The following EIPR1 variants were observed in gnomAD, a reference collection of about 807,000 sequenced individuals.
The protein encoded by EIPR1 is EARP and GARP complex-interacting protein 1.
Under a neutral mutation model 48.1 loss-of-function variants are expected in EIPR1, and 25 were observed. The ratio of observed to expected loss-of-function variants is 0.52; its 90% CI spans 0.38 to 0.73. The LOEUF (loss-of-function observed/expected upper bound fraction) is 0.73. Among genes scored for constraint, EIPR1 ranks in the 30% least tolerant of loss-of-function variants. The probability of loss-of-function intolerance (pLI) is 0.00; values close to 1 mark genes in which losing one functional copy is unlikely to be tolerated. For missense variants in EIPR1, 415 were observed against 506.2 expected (o/e 0.82, Z 1.73); for synonymous variants, 204 against 201.9 (o/e 1.01, Z -0.09).
intron 3 of EIPR1, among the ~76,000 whole-genome samples, chr2:3,333,402 C>A (rs1328758377): frequency 2.0e-5 from 3 of 152,122 alleles, no homozygotes; most frequent in African/African-American, 7.2e-5. Flanking sequence ...TCCTCAGAGG[C>A]CCCTTCTCCA....
Position 3,307,460 on chromosome 2 carries a change from C to T in EIPR1, c.259+30557G>A, listed in dbSNP as rs905160725. On this transcript the variant is annotated intron_variant, in intron 3 of 8. Coordinates refer to ENST00000382125, the MANE Select transcript of EIPR1 (RefSeq NM_003310.5). ...GCAGGAGCCCTACCATGCTGGGGCCCCAGAAAGCAGGCCTATGGAGACTGT... is the reference window on the plus strand; with the variant it reads ...GCAGGAGCCCTACCATGCTGGGGCCTCAGAAAGCAGGCCTATGGAGACTGT... Among the ~76,000 whole-genome samples the T allele has an allele frequency of 3.9e-5, 6 of 152,306 alleles. No homozygotes were observed. In the South Asian group the frequency reaches 1.2e-3, roughly 32 times the overall value.
chr2:3,375,124 G>C (rs1196704685), intron 1 of EIPR1, among the ~76,000 whole-genome samples: 1 of 151,186 alleles, frequency 6.6e-6, no homozygotes, highest in Admixed American at 6.6e-5. Flanking sequence ...GTAAACTGTC[G>C]CAAGGACAAA....
chr2:3,257,481 T>C, intron 3 of EIPR1, 26 bp from the exon 4 acceptor site: 2 of 1,612,592 alleles, frequency 1.2e-6, no homozygotes, highest in Non-Finnish European at 8.5e-7. Context: ...TAATGGATAA[T>C]GTCAACAGAG....
intron 4 of EIPR1, among the ~76,000 whole-genome samples, chr2:3,253,194 T>C (rs750454276): frequency 1.1e-4 from 17 of 152,196 alleles, no homozygotes; most frequent in East Asian, 1.9e-4. Context: ...TTTAGACAAA[T>C]TCAACCAATT....
chr2:3,304,813 CTCCCGTCCAGTTCAGCCCTCCAG>C (rs1377754116), intron 3 of EIPR1, among the ~76,000 whole-genome samples: 27 of 105,740 alleles, frequency 2.6e-4, no homozygotes, highest in African/African-American at 9.6e-4. Flanking sequence ...CAGCCCTCCA[CTCCCGTCCAGTTCAGCCCTCCAG>C]TCCCGTCCAG....
At chr2:3,231,521 CTAATT>C (rs1666244089) in intron 4 of EIPR1, among the ~76,000 whole-genome samples, 1 of 152,150 alleles carries the variant, frequency 6.6e-6, no homozygotes, top group Non-Finnish European at 1.5e-5. Flanking sequence ...ACTTCTATAT[CTAATT>C]TATTTAGAGT....
At position 3,197,148 on chromosome 2, in the gene EIPR1, C is replaced by T. The variant is rs893441104; in HGVS notation, c.517-131G>A. 8.1e-6 allele frequency: 9 copies of T among 1,109,952 alleles called. No individual in the cohort carries two copies. In the African/African-American group the frequency reaches 1.4e-4, roughly 18 times the overall value. The allele number at this position is 1,109,952 out of a possible 1,614,324, so 68.8% of individuals were successfully genotyped here. ...ATAATTACTGAGGATAATTAGGAAG[C>T]TCTGTCTTTGTTTCCTTTCCTTAAA... On this transcript the variant is annotated intron_variant, in intron 5 of 8. Transcript: ENST00000382125.
chr2:3,223,879 C>T (rs1338765878), intron 4 of EIPR1, among the ~76,000 whole-genome samples: 1 of 152,114 alleles, frequency 6.6e-6, no homozygotes, highest in Non-Finnish European at 1.5e-5. Context: ...TCCCATGTGA[C>T]CCCTAAACTC....
chr2:3,337,620 G>GT (rs1485400777), intron 3 of EIPR1, among the ~76,000 whole-genome samples: 1 of 152,146 alleles, frequency 6.6e-6, no homozygotes, highest in Non-Finnish European at 1.5e-5. Context: ...GTCAACGCGC[G>GT]TGTGTGCATG....
At chr2:3,236,682 G>A (rs1012150218) in intron 4 of EIPR1, among the ~76,000 whole-genome samples, 2 of 152,126 alleles carry the variant, frequency 1.3e-5, no homozygotes, top group African/African-American at 4.8e-5. Context: ...GGGCTACCTG[G>A]ACAGCATTCT....
chr2:3,285,655 C>T (rs1300452383), intron 3 of EIPR1, among the ~76,000 whole-genome samples: 1 of 150,786 alleles, frequency 6.6e-6, no homozygotes, highest in Non-Finnish European at 1.5e-5. Context: ...GCAGAAGTCA[C>T]CGATGTCTCC....
At chr2:3,358,353 A>G (rs998966545) in intron 1 of EIPR1, among the ~76,000 whole-genome samples, 3 of 152,234 alleles carry the variant, frequency 2.0e-5, no homozygotes, top group Non-Finnish European at 4.4e-5. Flanking sequence ...TAGAAAACAT[A>G]ACCAATATTA....
intron 1 of EIPR1, among the ~76,000 whole-genome samples, chr2:3,356,424 G>T (rs1670730721): frequency 6.6e-6 from 1 of 152,202 alleles, no homozygotes; most frequent in African/African-American, 2.4e-5. Flanking sequence ...TAAGATCTCA[G>T]GTGATGAATC....
chr2:3,316,433 C>G (rs1352082609), intron 3 of EIPR1, among the ~76,000 whole-genome samples: 1 of 152,098 alleles, frequency 6.6e-6, no homozygotes, highest in Non-Finnish European at 1.5e-5. Flanking sequence ...TTATTTAATG[C>G]CTGAAATAGA....
chr2:3,357,083 G>A (rs764674690), intron 1 of EIPR1, among the ~76,000 whole-genome samples: 4 of 152,128 alleles, frequency 2.6e-5, no homozygotes, highest in Non-Finnish European at 5.9e-5. Flanking sequence ...CACTGATTGT[G>A]GGCCATCACT....
chr2:3,350,439 G>A (rs1461361320), intron 2 of EIPR1, among the ~76,000 whole-genome samples: 2 of 151,936 alleles, frequency 1.3e-5, no homozygotes, highest in Admixed American at 1.3e-4. Context: ...TCAAAACTGG[G>A]GATTACAATT....
intron 3 of EIPR1, among the ~76,000 whole-genome samples, chr2:3,274,970 TTATG>T (rs1240633006): frequency 1.3e-5 from 2 of 151,882 alleles, no homozygotes; most frequent in Non-Finnish European, 2.9e-5. Context: ...TCAAAATCAT[TTATG>T]AGAACAAGAA....
intron 3 of EIPR1, 192 bp from the exon 4 acceptor site, chr2:3,257,647 C>A (rs915721059): frequency 1.0e-5 from 5 of 499,868 alleles, no homozygotes; most frequent in African/African-American, 7.9e-5. Flanking sequence ...CGGCACGGTT[C>A]GTAATCAGCA....
At chr2:3,288,977 G>A (rs1181520390) in intron 3 of EIPR1, among the ~76,000 whole-genome samples, 1 of 152,210 alleles carries the variant, frequency 6.6e-6, no homozygotes, top group African/African-American at 2.4e-5. Flanking sequence ...CAGCCTCCAA[G>A]TGCCTGCACG....
Sources: allele counts gnomAD v4.1 joint callset (sites outside exome capture counted in the v4.1 genomes callset), GRCh38; gene constraint gnomAD v4.1.1; transcripts MANE v1.5; gene names NCBI Gene and HGNC (gene_info 2026-07-23, HGNC 2026-07-21).